ULK4: variants seen among roughly 807,000 people sequenced by gnomAD.
The protein encoded by ULK4 is inactive serine/threonine-protein kinase ULK4.
ULK4 carries 133 observed loss-of-function variants against 160.6 expected under a neutral mutation model. The observed-to-expected ratio is 0.83, with a 90% CI of 0.72 to 0.96. The LOEUF is 0.96. ULK4 is among the 40% of genes least tolerant of loss of function. The pLI is 0.00. For synonymous variants in ULK4, 534 were observed against 539.8 expected (o/e 0.99, Z 0.15); for missense variants, 1,580 against 1,499.5 (o/e 1.05, Z -0.89).
At chr3:41,830,629 C>A (rs2041546984) in intron 18 of ULK4, among the ~76,000 whole-genome samples, 1 of 151,556 alleles carries the variant, frequency 6.6e-6, no homozygotes, top group Non-Finnish European at 1.5e-5. Flanking sequence ...AACTATAGGA[C>A]CAAAAAAAGA....
intron 35 of ULK4, among the ~76,000 whole-genome samples, chr3:41,308,464 A>G (rs1357326810): frequency 1.3e-5 from 2 of 152,178 alleles, no homozygotes; most frequent in African/African-American, 4.8e-5. Flanking sequence ...GATTATAGGT[A>G]TAGAAGAAGG....
rs2035331802 is a variant in ULK4 at position 41,665,767 on chromosome 3, A to C, written c.2979-2068T>G. 2.0e-5 allele frequency among the ~76,000 whole-genome samples: 3 copies of C among 152,224 alleles called. No homozygotes were observed. The South Asian group carries it at 6.2e-4, about 31-fold the overall frequency. On this transcript the variant is annotated intron_variant, in intron 29 of 36. Transcript: ENST00000301831. ...TCTACTTAAAATTTTGTTTAAAAAA[A>C]GACACAACTTAGCATACTGGAGAGA...
rs1699260763 is a variant in ULK4 at position 41,923,295 on chromosome 3, T to A, written c.542-3477A>T. On this transcript the variant is annotated intron_variant, in intron 5 of 36. Transcript: ENST00000301831. ...GGGCAGATCATTTGAGGTCAGGAGT[T>A]CAAGACCAGCCTGGCCAACATGGTG... Among the ~76,000 whole-genome samples, 5 of 151,954 alleles carry A rather than the reference T, an allele frequency of 3.3e-5. No homozygotes were observed. The South Asian group carries it at 1.0e-3, about 32-fold the overall frequency.
intron 35 of ULK4, among the ~76,000 whole-genome samples, chr3:41,319,100 T>C (rs1440087127): frequency 2.0e-5 from 3 of 152,204 alleles, no homozygotes; most frequent in Middle Eastern, 3.2e-3. Flanking sequence ...AGGGTCTTTA[T>C]TTTACTTACA....
intron 34 of ULK4, among the ~76,000 whole-genome samples, chr3:41,425,903 T>C (rs1014871772): frequency 2.0e-5 from 3 of 152,178 alleles, no homozygotes; most frequent in Admixed American, 6.5e-5. Flanking sequence ...AGCATCATGA[T>C]GACAGGATCA....
intron 35 of ULK4, among the ~76,000 whole-genome samples, chr3:41,300,065 A>G (rs2079751973): frequency 6.6e-6 from 1 of 152,206 alleles, no homozygotes; most frequent in Non-Finnish European, 1.5e-5. Flanking sequence ...ACACCAGCAG[A>G]AGAAGAGCAC....
chr3:41,814,128 G>C (rs1043571620), intron 19 of ULK4, among the ~76,000 whole-genome samples: 1 of 152,150 alleles, frequency 6.6e-6, no homozygotes, highest in Non-Finnish European at 1.5e-5. Flanking sequence ...CGCAGGGGAG[G>C]CTCCAAAGTT....
chr3:41,823,535 T>C (rs1385364069), intron 18 of ULK4, among the ~76,000 whole-genome samples: 2 of 152,218 alleles, frequency 1.3e-5, no homozygotes, highest in East Asian at 1.9e-4. Flanking sequence ...TGCCTTATAA[T>C]ACCCTCTGCA....
At chr3:41,952,222 A>T (rs1289834861) in intron 2 of ULK4, among the ~76,000 whole-genome samples, 2 of 152,224 alleles carry the variant, frequency 1.3e-5, no homozygotes, top group Non-Finnish European at 1.5e-5. Flanking sequence ...AAAATTTTAA[A>T]CTTTAGTACA....
chr3:41,512,157 A>G (rs1459732903), intron 32 of ULK4, among the ~76,000 whole-genome samples: 2 of 152,156 alleles, frequency 1.3e-5, no homozygotes, highest in Non-Finnish European at 2.9e-5. Context: ...TCTATGAAAA[A>G]CCCACAGCCA....
At chr3:41,416,640 GA>G (rs1247483225) in intron 34 of ULK4, among the ~76,000 whole-genome samples, 1 of 152,044 alleles carries the variant, frequency 6.6e-6, no homozygotes, top group Non-Finnish European at 1.5e-5. Flanking sequence ...GCAGGAAAAA[GA>G]AAAGGAGAAA....
At chr3:41,952,011 C>A (rs1190409383) in intron 2 of ULK4, among the ~76,000 whole-genome samples, 1 of 152,040 alleles carries the variant, frequency 6.6e-6, no homozygotes, top group Non-Finnish European at 1.5e-5. Flanking sequence ...TCTTAGCAGC[C>A]CAAACAGAGA....
At chr3:41,474,297 C>T (rs1304230702) in intron 32 of ULK4, among the ~76,000 whole-genome samples, 1 of 152,090 alleles carries the variant, frequency 6.6e-6, no homozygotes, top group East Asian at 1.9e-4. Context: ...GTAAATCAGA[C>T]ATCCATATGT....
chr3:41,628,804 G>A (rs2033630653), intron 30 of ULK4, among the ~76,000 whole-genome samples: 1 of 152,192 alleles, frequency 6.6e-6, no homozygotes, highest in African/African-American at 2.4e-5. Flanking sequence ...AGTAGTGAAA[G>A]CTGGCTGAAG....
chr3:41,928,536 C>CAAA (rs35116501), intron 5 of ULK4, among the ~76,000 whole-genome samples: 93,955 of 140,956 alleles, frequency 0.67, 34,871 homozygotes, highest in East Asian at 0.82. Flanking sequence ...AAAAACCCTT[C>CAAA]AAAAAAAAAA....
chr3:41,425,809 C>T (rs2082764975), intron 34 of ULK4, among the ~76,000 whole-genome samples: 1 of 152,154 alleles, frequency 6.6e-6, no homozygotes, highest in South Asian at 2.1e-4. Flanking sequence ...AAACCATTCC[C>T]AGCCACTGCA....
intron 35 of ULK4, among the ~76,000 whole-genome samples, chr3:41,319,212 G>A (rs2080203237): frequency 1.3e-5 from 2 of 152,092 alleles, no homozygotes; most frequent in Non-Finnish European, 2.9e-5. Flanking sequence ...AGGTGCACCT[G>A]GGCATCTTCG....
intron 30 of ULK4, among the ~76,000 whole-genome samples, chr3:41,653,289 G>A (rs1417786525): frequency 6.6e-6 from 1 of 152,072 alleles, no homozygotes; most frequent in Non-Finnish European, 1.5e-5. Flanking sequence ...ATTCAAACTA[G>A]CCAATCCTAA....
At position 41,789,014 on chromosome 3, in the gene ULK4, A is replaced by C. The variant is rs2040074733; in HGVS notation, c.2193+647T>G. 2.0e-5 allele frequency among the ~76,000 whole-genome samples: 3 copies of C among 152,194 alleles called. No homozygotes were observed. In the South Asian group the frequency reaches 6.2e-4, roughly 31 times the overall value. Reference sequence around the variant, plus strand: ...TCAGAAGGTCTGCATGGGGCCTAAAAGTCTGCATTTCCAACAAGCTTCTAG... The same window carrying C: ...TCAGAAGGTCTGCATGGGGCCTAAACGTCTGCATTTCCAACAAGCTTCTAG... On this transcript the variant is annotated intron_variant, in intron 21 of 36. Coordinates refer to ENST00000301831, the MANE Select transcript of ULK4 (RefSeq NM_017886.4).
Sources: allele counts gnomAD v4.1 joint callset (sites outside exome capture counted in the v4.1 genomes callset), GRCh38; gene constraint gnomAD v4.1.1; transcripts MANE v1.5; gene names NCBI Gene and HGNC (gene_info 2026-07-23, HGNC 2026-07-21).